The following CFAP65 variants were observed in gnomAD, a reference collection of about 807,000 sequenced individuals.
CFAP65 encodes the protein cilia and flagella associated protein 65.
In CFAP65, 155 loss-of-function variants were observed where a neutral mutation model predicts 208.0. The ratio of observed to expected loss-of-function variants is 0.75; its 90% CI spans 0.65 to 0.85. CFAP65 has a LOEUF of 0.85. CFAP65 is among the 40% of genes least tolerant of loss of function. The pLI, the probability that CFAP65 is intolerant of heterozygous loss-of-function variation, is 0.00. For missense variants in CFAP65, 2,294 were observed against 2,451.3 expected (o/e 0.94, Z 1.36); for synonymous variants, 970 against 986.3 (o/e 0.98, Z 0.31).
intron 2 of CFAP65, 88 bp downstream of exon 2, chr2:219,040,431 G>T (rs1216260439): frequency 4.7e-5 from 37 of 780,606 alleles, no homozygotes; most frequent in Non-Finnish European, 4.5e-6. Context: ...GGACTATCTA[G>T]ATTCAGTCGT....
chr2:219,024,595 G>T (rs1450194406), intron 14 of CFAP65, among the ~76,000 whole-genome samples: 2 of 152,122 alleles, frequency 1.3e-5, no homozygotes, highest in Non-Finnish European at 2.9e-5. Flanking sequence ...ACTCTTTGGA[G>T]AACTCATTTT....
At chr2:219,014,655 T>G (rs1371673923) in intron 21 of CFAP65, 2 of 152,408 alleles carry the variant, frequency 1.3e-5, no homozygotes, top group East Asian at 3.8e-4. Context: ...CTCTCGGAGA[T>G]GGCACAGAAC....
chr2:219,035,778 A>G (rs1948321238), intron 4 of CFAP65, 114 bp from the exon 5 acceptor site: 1 of 1,472,274 alleles, frequency 6.8e-7, no homozygotes, highest in Non-Finnish European at 8.9e-7. Context: ...AAAATAAAAG[A>G]CAAGAAGAAA....
intron 13 of CFAP65, chr2:219,027,406 T>C: frequency 6.7e-7 from 1 of 1,483,436 alleles, no homozygotes; most frequent in Non-Finnish European, 9.0e-7. Context: ...CAGCTTGATC[T>C]CAGCTGAGTT....
intron 17 of CFAP65, 119 bp downstream of exon 17, chr2:219,022,052 G>A: frequency 6.6e-7 from 1 of 1,526,260 alleles, no homozygotes; most frequent in Non-Finnish European, 8.9e-7. Flanking sequence ...CGGGGCAGAG[G>A]GCTCCTATCC....
intron 5 of CFAP65, chr2:219,035,239 CA>C: frequency 7.4e-7 from 1 of 1,356,086 alleles, no homozygotes; most frequent in Non-Finnish European, 9.8e-7. Context: ...AGAAACAGCC[CA>C]AACTTCCTTC....
At position 219,003,333 on chromosome 2, in the gene CFAP65, C is replaced by T. The variant is rs1180487010; in HGVS notation, c.5556-61G>A. 11 of 1,470,178 alleles carry T rather than the reference C, an allele frequency of 7.5e-6. No homozygotes were observed. The highest frequency in any genetic ancestry group is 2.0e-4 in the Middle Eastern group (1 of 5,126). The allele number at this position is 1,470,178 out of a possible 1,614,324, so 91.1% of individuals were successfully genotyped here. On this transcript the variant is annotated intron_variant, in intron 33 of 34. Coordinates refer to ENST00000341552, the MANE Select transcript of CFAP65 (RefSeq NM_194302.4). This position sits in a 1 kb window ranked among gnomAD's most constrained non-coding sequence, Gnocchi z 4.4. Reference sequence around the variant, plus strand: ...CAGTGCCCGCGCGCCTCCTCGCTCGCCTGTCCGTGCGGTACATTGTGCCGC... The same window carrying T: ...CAGTGCCCGCGCGCCTCCTCGCTCGTCTGTCCGTGCGGTACATTGTGCCGC...
rs754844571 is a variant in CFAP65, at chr2:219,009,429, G to C, written c.4484C>G (p.Ala1495Gly). 1.9e-6 allele frequency: 3 copies of C among 1,612,442 alleles called. No individual in the cohort carries two copies. In the Admixed American group the frequency reaches 5.0e-5, roughly 27 times the overall value. ...VSVSPMIGVV[A>G]PEETVPFVVT... ...CACAAATGGGACCGTCTCTTCAGGAGCCACCACCCCTATCATGGGACTCAC... is the reference window on the plus strand; with the variant it reads ...CACAAATGGGACCGTCTCTTCAGGACCCACCACCCCTATCATGGGACTCAC... The change falls in exon 28 of 35, where the codon GCT (alanine) becomes GGT (glycine). Residue 1495 changes from alanine to glycine, a missense_variant. Ala to Gly is a moderately conservative substitution (Grantham distance 60). Transcript: ENST00000341552.
rs754339706 is a variant in CFAP65 at position 219,004,274 on chromosome 2, G to A, written c.5233C>T (p.Gln1745Ter). 1 of 1,614,014 alleles carries A rather than the reference G, an allele frequency of 6.2e-7. No homozygotes were observed. The highest frequency in any genetic ancestry group is 1.1e-5 in the South Asian group (1 of 91,076). The change falls in exon 33 of 35, where the codon CAG becomes TAG. Residue 1745 changes from glutamine (Q) to a stop codon, truncating the protein, a stop_gained. Coordinates refer to ENST00000341552, the MANE Select transcript of CFAP65 (RefSeq NM_194302.4). LOFTEE classifies it high-confidence loss of function. The surrounding 1 kb of genome is among the most constrained non-coding windows in gnomAD (Gnocchi z 4.7). ...TGCTCTGGTCTGTCTTCCTTCGGCT[G>A]CTTGCCCTTCCCATCCTCCCAGCTG... Reference protein sequence around the residue: ...SSSWEDGKGKQPKEDRPEHYP... With the variant: ...SSSWEDGKGK
intron 4 of CFAP65, among the ~76,000 whole-genome samples, chr2:219,036,806 G>A (rs1458184998): frequency 2.0e-5 from 3 of 152,180 alleles, no homozygotes; most frequent in Non-Finnish European, 2.9e-5. Flanking sequence ...TAAGGATATA[G>A]TCATTCATTC....
At chr2:219,007,346 A>T (rs986478419) in intron 29 of CFAP65, among the ~76,000 whole-genome samples, 6 of 151,440 alleles carry the variant, frequency 4.0e-5, no homozygotes, top group Non-Finnish European at 8.9e-5. Flanking sequence ...GCCAGTTTTT[A>T]AAATTTTATT....
At chr2:219,035,023 G>C (rs1406369240) in intron 5 of CFAP65, 1 of 276,730 alleles carries the variant, frequency 3.6e-6, no homozygotes. Context: ...CTATTCCCCA[G>C]AAAAGACAGA....
chr2:219,011,581 C>T (rs1946489828), intron 24 of CFAP65, among the ~76,000 whole-genome samples: 1 of 152,126 alleles, frequency 6.6e-6, no homozygotes, highest in African/African-American at 2.4e-5. Flanking sequence ...TGCGCCTGGC[C>T]AAGGGAGTTC....
Position 219,026,098 on chromosome 2 carries a change from G to A in CFAP65, c.2273C>T (p.Thr758Met), listed in dbSNP as rs370056096. 9.9e-5 allele frequency: 160 copies of A among 1,614,038 alleles called. No homozygotes were observed. Among genetic ancestry groups the A allele is most frequent in the South Asian group, 2.0e-4 (18 of 91,080 alleles). Residue 758 changes from threonine to methionine, a missense_variant, in exon 14 of 35, where the codon ACG (threonine) becomes ATG (methionine). This residue lies in a region of CFAP65 where 867 missense variants were observed against 1,012.6 expected (regional missense o/e 0.86). Coordinates refer to ENST00000341552, the MANE Select transcript of CFAP65 (RefSeq NM_194302.4). ...DCTMCPSWCLTVRARGHSYFA... is the reference protein window; with the variant it reads ...DCTMCPSWCLMVRARGHSYFA... ...ATAGCTGTGGCCTCGTGCCCGCACC[G>A]TCAGGCACCAGGATGGGCACATGGT...
At position 219,023,064 on chromosome 2, in the gene CFAP65, T is replaced by C. The variant is rs543959560; in HGVS notation, c.2820+143A>G. ...AATGGTGGGGGGATGGTGAGGGTAA[T>C]AATAACACCTCATCGCCAGGTGGGG... is the stretch of plus-strand genomic sequence containing the variant. On this transcript the variant is annotated intron_variant, in intron 16 of 34. Transcript: ENST00000341552. 9 of 703,934 alleles carry C rather than the reference T, an allele frequency of 1.3e-5. No individual in the cohort carries two copies. In the East Asian group the frequency reaches 1.6e-4, roughly 13 times the overall value. 43.6% of individuals were successfully genotyped at this position (703,934 alleles called of 1,614,324 possible).
chr2:219,008,480 C>T (rs1333121831), intron 29 of CFAP65, among the ~76,000 whole-genome samples: 1 of 152,220 alleles, frequency 6.6e-6, no homozygotes, highest in Admixed American at 6.5e-5. Flanking sequence ...CACAGTGGCT[C>T]ACGCCTGTAA....
chr2:219,006,565 G>A, intron 29 of CFAP65, 56 bp from the exon 30 acceptor site: 1 of 1,559,986 alleles, frequency 6.4e-7, no homozygotes, highest in Non-Finnish European at 8.8e-7. Flanking sequence ...CGGGGGTGGT[G>A]CTTCATGCCT....
intron 16 of CFAP65, among the ~76,000 whole-genome samples, 185 bp from the exon 17 acceptor site, chr2:219,022,514 G>A (rs536477632): frequency 1.4e-4 from 21 of 152,262 alleles, no homozygotes; most frequent in African/African-American, 4.8e-4. Context: ...ATATCCCCAC[G>A]GGGTCAGTAG....
intron 11 of CFAP65, 136 bp from the exon 12 acceptor site, chr2:219,028,537 GAGCA>G: frequency 1.4e-6 from 1 of 735,256 alleles, no homozygotes; most frequent in Non-Finnish European, 2.3e-6. Flanking sequence ...GGTGGCCAGT[GAGCA>G]AGCACTCAGC....
Sources: allele counts gnomAD v4.1 joint callset (sites outside exome capture counted in the v4.1 genomes callset), GRCh38; gene constraint gnomAD v4.1.1; regional missense constraint gnomAD v4.1.1; non-coding constraint Gnocchi (gnomAD v3.1); transcripts MANE v1.5; gene names NCBI Gene and HGNC (gene_info 2026-07-23, HGNC 2026-07-21).